TLK1: variants seen among roughly 807,000 people sequenced by gnomAD.
TLK1 encodes the protein serine/threonine-protein kinase tousled-like 1.
A neutral mutation model predicts 105.3 loss-of-function variants in TLK1; 24 were observed. The observed-to-expected ratio is 0.23, with a 90% CI of 0.17 to 0.32. The LOEUF is 0.32. Ranked by LOEUF, TLK1 falls within the 10% of genes least tolerant of loss-of-function variation. The pLI is 1.00. For synonymous variants in TLK1, 321 were observed against 310.4 expected, an observed-to-expected ratio of 1.03 and a Z score of -0.36; for missense variants, 558 against 910.5, an observed-to-expected ratio of 0.61 and a Z score of 4.98.
intron 1 of TLK1, among the ~76,000 whole-genome samples, chr2:171,142,767 C>T (rs1691633932): frequency 6.6e-6 from 1 of 152,112 alleles, no homozygotes; most frequent in Non-Finnish European, 1.5e-5. Flanking sequence ...CATATTACAC[C>T]ACATCTAACA....
chr2:170,990,826 A>C lies in TLK1; in HGVS notation c.*2954T>G, dbSNP rs190879998. Reference sequence around the variant, plus strand: ...AAAACACAGCTAATAGCATGAGGGCAATCAACATTACTGCATTTAATAAGT... The same window carrying C: ...AAAACACAGCTAATAGCATGAGGGCCATCAACATTACTGCATTTAATAAGT... On this transcript the variant is annotated 3_prime_UTR_variant, in exon 21 of 21. Coordinates refer to ENST00000431350, the MANE Select transcript of TLK1 (RefSeq NM_012290.5). The C allele has an allele frequency of 6.6e-6, 1 of 152,372 alleles. No homozygotes were observed. The highest frequency in any genetic ancestry group is 6.5e-5 in the Admixed American group (1 of 15,300). The allele number at this position is 152,372 out of a possible 1,614,324, so 9.4% of individuals were successfully genotyped here.
intron 1 of TLK1, among the ~76,000 whole-genome samples, chr2:171,149,242 G>A (rs1197584121): frequency 1.3e-5 from 2 of 151,186 alleles, no homozygotes; most frequent in South Asian, 4.2e-4. Context: ...AGAAGCAGCA[G>A]CAGAAGAAGA....
chr2:171,168,816 C>G (rs1692663751), intron 1 of TLK1, among the ~76,000 whole-genome samples: 1 of 152,192 alleles, frequency 6.6e-6, no homozygotes, highest in African/African-American at 2.4e-5. Flanking sequence ...TGCAGTGGCT[C>G]ATGCCTGTAA....
intron 5 of TLK1, among the ~76,000 whole-genome samples, chr2:171,056,933 A>T (rs1687531084): frequency 6.6e-6 from 1 of 152,044 alleles, no homozygotes; most frequent in Admixed American, 6.6e-5. Flanking sequence ...ATAGTCCCTA[A>T]TCCCAAGAAA....
chr2:171,229,229 A>T (rs1426596912), intron 1 of TLK1, among the ~76,000 whole-genome samples: 1 of 152,148 alleles, frequency 6.6e-6, no homozygotes, highest in African/African-American at 2.4e-5. Context: ...TCAAACCTCA[A>T]AAAGGAAGGA....
At chr2:171,067,217 T>C (rs1439785974) in intron 3 of TLK1, among the ~76,000 whole-genome samples, 1 of 150,274 alleles carries the variant, frequency 6.7e-6, no homozygotes, top group Non-Finnish European at 1.5e-5. Flanking sequence ...TGGAGTGCAG[T>C]GACACGATCT....
intron 1 of TLK1, among the ~76,000 whole-genome samples, chr2:171,155,159 G>C (rs1248230190): frequency 1.3e-5 from 2 of 151,888 alleles, no homozygotes; most frequent in South Asian, 2.1e-4. Context: ...AAAAACATTA[G>C]AATAACTTAA....
chr2:171,087,868 G>T (rs1248295130), intron 2 of TLK1, among the ~76,000 whole-genome samples: 2 of 152,200 alleles, frequency 1.3e-5, no homozygotes, highest in Non-Finnish European at 2.9e-5. Flanking sequence ...AACAGAGAAG[G>T]TTAAGTAGAA....
chr2:171,196,262 GC>G (rs1693273929), intron 1 of TLK1, among the ~76,000 whole-genome samples: 1 of 151,698 alleles, frequency 6.6e-6, no homozygotes, highest in African/African-American at 2.4e-5. Flanking sequence ...GAATATAGGT[GC>G]CCACCACCAT....
chr2:171,034,815 T>C (rs1575535842), intron 11 of TLK1, among the ~76,000 whole-genome samples: 3 of 152,296 alleles, frequency 2.0e-5, no homozygotes, highest in Admixed American at 2.0e-4. Context: ...CTAGTCTTCC[T>C]TTGAAGAGTC....
chr2:171,149,951 C>T (rs966174856), intron 1 of TLK1, among the ~76,000 whole-genome samples: 9 of 151,528 alleles, frequency 5.9e-5, no homozygotes, highest in Admixed American at 3.9e-4. Context: ...AACAAACGAA[C>T]GAACGAAAGA....
At chr2:171,053,639 G>T in intron 8 of TLK1, 122 bp downstream of exon 8, 1 of 701,750 alleles carries the variant, frequency 1.4e-6, no homozygotes, top group Non-Finnish European at 2.3e-6. Flanking sequence ...GGGATTACAG[G>T]CATGAGCCAC....
chr2:171,098,820 A>T (rs976880374), intron 2 of TLK1, among the ~76,000 whole-genome samples: 1 of 152,188 alleles, frequency 6.6e-6, no homozygotes, highest in Non-Finnish European at 1.5e-5. Context: ...TTCAACATAC[A>T]CCAGCTATAT....
chr2:171,113,272 C>CTTT (rs767944584), intron 2 of TLK1, among the ~76,000 whole-genome samples: 1 of 141,646 alleles, frequency 7.1e-6, no homozygotes, highest in African/African-American at 2.6e-5. Flanking sequence ...CATACATATC[C>CTTT]TTTTTTTTTT....
intron 13 of TLK1, among the ~76,000 whole-genome samples, chr2:171,012,270 T>C (rs1053985736): frequency 6.6e-6 from 1 of 152,188 alleles, no homozygotes; most frequent in Non-Finnish European, 1.5e-5. Flanking sequence ...TGCTCTTACC[T>C]GTATTAACTC....
intron 12 of TLK1, among the ~76,000 whole-genome samples, chr2:171,021,366 G>A (rs1195829843): frequency 6.6e-6 from 1 of 151,480 alleles, no homozygotes; most frequent in Non-Finnish European, 1.5e-5. Flanking sequence ...TCACACACAG[G>A]TGCAATGCCT....
At position 171,127,035 on chromosome 2, in the gene TLK1, G is replaced by A. The variant is rs970650321; in HGVS notation, c.140-9178C>T. Among the ~76,000 whole-genome samples the A allele has an allele frequency of 2.0e-5, 3 of 152,074 alleles. No homozygotes were observed. The East Asian group carries it at 5.8e-4, about 29-fold the overall frequency. On this transcript the variant is annotated intron_variant, in intron 1 of 20. Transcript: ENST00000431350. ...TCACGCCTGTAATCCCAGCACTTTG[G>A]GAGGCTGAGGTGAGTGGATCACCTG...
intron 1 of TLK1, among the ~76,000 whole-genome samples, chr2:171,143,852 C>T (rs1161825204): frequency 2.0e-5 from 3 of 152,120 alleles, no homozygotes; most frequent in African/African-American, 7.2e-5. Context: ...CTATCAGTAA[C>T]ACTAAATGTG....
chr2:171,171,040 A>G (rs1193326482), intron 1 of TLK1, among the ~76,000 whole-genome samples: 1 of 151,996 alleles, frequency 6.6e-6, no homozygotes, highest in East Asian at 1.9e-4. Flanking sequence ...TAAATATGAA[A>G]ATTAAAACAA....
Sources: gnomAD v4.1 joint callset for allele counts (sites outside exome capture counted in the v4.1 genomes callset) on GRCh38, gnomAD v4.1.1 for gene constraint, MANE v1.5 for transcripts, NCBI Gene and HGNC (gene_info 2026-07-23, HGNC 2026-07-21) for gene names.